The following ZNF721 variants were observed in gnomAD, a reference collection of about 807,000 sequenced individuals.
The protein encoded by ZNF721 is zinc finger protein 721.
A neutral mutation model predicts 2.4 loss-of-function variants in ZNF721; 2 were observed. The observed-to-expected ratio is 0.82, with a 90% confidence interval of 0.34 to 2.58. ZNF721 has a LOEUF of 2.58. ZNF721 is among the 30% of genes most tolerant of loss of function. ZNF721 has a pLI of 0.11. For missense variants in ZNF721, 1,187 were observed against 1,085.5 expected, an observed-to-expected ratio of 1.09 and a Z score of -1.31; for synonymous variants, 398 against 381.8, an observed-to-expected ratio of 1.04 and a Z score of -0.50.
chr4:460,388 T>A (rs891302848), intron 2 of ZNF721, among the ~76,000 whole-genome samples: 2 of 152,058 alleles, frequency 1.3e-5, no homozygotes, highest in Non-Finnish European at 2.9e-5. Flanking sequence ...TTGAAACCAA[T>A]GAGAACAAAG....
Position 466,655 on chromosome 4 carries a change from T to C in ZNF721, c.34+5920A>G, listed in dbSNP as rs1293441954. ...ATTTCATTTGTAGATTAAACTGCGA[T>C]GGATGAGATATCAAAAAAACAAAGA... On this transcript the variant is annotated intron_variant, in intron 2 of 2. Transcript: ENST00000511833. Among the ~76,000 whole-genome samples, 5 of 152,286 alleles carry C rather than the reference T, an allele frequency of 3.3e-5. No homozygotes were observed. In the East Asian group the frequency reaches 9.7e-4, roughly 29 times the overall value.
In ZNF721 at chr4:496,020, G is replaced by A. The variant is rs1414259897; in HGVS notation, c.-94+3036C>T. 3.3e-5 allele frequency among the ~76,000 whole-genome samples: 5 copies of A among 152,140 alleles called. No homozygotes were observed. In the South Asian group the frequency reaches 8.3e-4, roughly 25 times the overall value. ...AATACAGCCATTGCTCTTTCGGTTT[G>A]GTCTGGCTGGCAAAAAGGTGGCGTT... On this transcript the variant is annotated intron_variant, in intron 1 of 2. Coordinates refer to ENST00000511833, the MANE Select transcript of ZNF721 (RefSeq NM_133474.4).
intron 1 of ZNF721, among the ~76,000 whole-genome samples, chr4:479,872 T>C (rs1553869099): frequency 6.6e-6 from 1 of 152,252 alleles, no homozygotes. Context: ...TGTGCACATA[T>C]CCATTTGGAA....
intron 1 of ZNF721, chr4:474,246 C>T: frequency 2.7e-6 from 1 of 364,074 alleles, no homozygotes; most frequent in South Asian, 2.1e-5. Context: ...TGGGTCCAGG[C>T]TTCACGCCCT....
intron 1 of ZNF721, among the ~76,000 whole-genome samples, chr4:494,657 G>A (rs1553871976): frequency 6.6e-6 from 1 of 152,044 alleles, no homozygotes; most frequent in African/African-American, 2.4e-5. Context: ...TTCATCATAA[G>A]GTATAGAGAG....
rs1309919218 is a variant in ZNF721, at chr4:450,957, ATATATATATATATATATAT to A, written c.35-6544_35-6526del. On this transcript the variant is annotated intron_variant, in intron 2 of 2. Coordinates refer to ENST00000511833, the MANE Select transcript of ZNF721 (RefSeq NM_133474.4). ...GTCTCCAAAAAAAAAAAAAAAAAAA[ATATATATATATATATATAT>A]ATATATATATATATATATATCCCAA... Among the ~76,000 whole-genome samples, 14 of 33,632 alleles carry A rather than the reference ATATATATATATATATATAT, an allele frequency of 4.2e-4. No individual in the cohort carries two copies. In the Admixed American group the frequency reaches 4.4e-3, roughly 10 times the overall value. 22.1% of individuals were successfully genotyped at this position (33,632 alleles called of 152,430 possible).
chr4:443,332 G>A lies in ZNF721; in HGVS notation c.1135C>T (p.His379Tyr), dbSNP rs1209652102. The A allele has an allele frequency of 6.2e-7, 1 of 1,614,058 alleles. No homozygotes were observed. Among genetic ancestry groups the A allele is most frequent in the Non-Finnish European group, 8.5e-7 (1 of 1,179,990 alleles). Residue 379 changes from histidine (H) to tyrosine (Y), a missense_variant, in exon 3 of 3, where the codon CAC becomes TAC. His to Tyr is a moderately conservative substitution (Grantham distance 83). Coordinates refer to ENST00000511833, the MANE Select transcript of ZNF721 (RefSeq NM_133474.4). ...AFGRYTALNQ[H>Y]KKIHTGEKPY... ...TTCTCTCCAGTATGAATTTTCTTGT[G>A]TTGATTCAGGGCTGTGTACCGTCCA...
rs565947353 is a variant in ZNF721 at position 485,741 on chromosome 4, C to T, written c.-93-13040G>A. 2.0e-3 allele frequency among the ~76,000 whole-genome samples: 298 copies of T among 152,180 alleles called. 1 individual carries two copies. Among genetic ancestry groups the T allele is most frequent in the African/African-American group, 6.1e-3 (253 of 41,534 alleles). ...CTGTAATCCCAGCACTTTGGGAGGC[C>T]GAGGCGGGCGGATCATGAGGTCAAG... On this transcript the variant is annotated intron_variant, in intron 1 of 2. Coordinates refer to ENST00000511833, the MANE Select transcript of ZNF721 (RefSeq NM_133474.4).
chr4:474,097 T>C, intron 1 of ZNF721: 1 of 1,314,002 alleles, frequency 7.6e-7, no homozygotes. Flanking sequence ...CCCTGAGGTG[T>C]GGAAGCAGGG....
intron 2 of ZNF721, among the ~76,000 whole-genome samples, chr4:450,968 T>A (rs1181817387): frequency 0.051 from 2,227 of 43,724 alleles, 70 homozygotes; most frequent in Non-Finnish European, 0.062. Flanking sequence ...TATATATATA[T>A]ATATATATAT....
chr4:470,363 G>A (rs1360952747), intron 2 of ZNF721, among the ~76,000 whole-genome samples: 2 of 152,170 alleles, frequency 1.3e-5, no homozygotes, highest in Non-Finnish European at 2.9e-5. Context: ...AAACAAGTGG[G>A]ATTGTATCAA....
intron 1 of ZNF721, among the ~76,000 whole-genome samples, chr4:482,081 C>G (rs1189760511): frequency 6.6e-6 from 1 of 152,218 alleles, no homozygotes; most frequent in Non-Finnish European, 1.5e-5. Context: ...GTAAAGGTCA[C>G]ATATGACTGT....
intron 1 of ZNF721, among the ~76,000 whole-genome samples, chr4:473,021 C>A (rs1203513118): frequency 6.6e-6 from 1 of 152,094 alleles, no homozygotes; most frequent in South Asian, 2.1e-4. Context: ...TTGACCTTGG[C>A]CTTGCTATAA....
intron 2 of ZNF721, among the ~76,000 whole-genome samples, chr4:469,050 C>T (rs1715346283): frequency 6.6e-6 from 1 of 152,098 alleles, no homozygotes; most frequent in Admixed American, 6.6e-5. Context: ...CTAATAAATG[C>T]ATTCATTAAG....
intron 1 of ZNF721, among the ~76,000 whole-genome samples, chr4:486,065 C>G (rs1319615453): frequency 6.6e-6 from 1 of 152,120 alleles, no homozygotes; most frequent in African/African-American, 2.4e-5. Context: ...CCACCACCCA[C>G]ATGCACAGCA....
intron 1 of ZNF721, among the ~76,000 whole-genome samples, chr4:494,562 C>G (rs1553871965): frequency 6.6e-6 from 1 of 152,072 alleles, no homozygotes; most frequent in Admixed American, 6.6e-5. Flanking sequence ...TAACTGGCTT[C>G]ACAACCCCAG....
intron 1 of ZNF721, among the ~76,000 whole-genome samples, chr4:498,594 C>G (rs148013344): frequency 5.3e-5 from 8 of 152,238 alleles, no homozygotes; most frequent in African/African-American, 1.9e-4. Flanking sequence ...CACGGATAAA[C>G]CTGAGGATAT....
chr4:446,376 GT>G (rs1268859816), intron 2 of ZNF721, among the ~76,000 whole-genome samples: 1 of 146,594 alleles, frequency 6.8e-6, no homozygotes, highest in Non-Finnish European at 1.5e-5. Context: ...TAATGAGGAA[GT>G]TTTCTTTTTT....
chr4:447,054 G>A (rs73219244), intron 2 of ZNF721, among the ~76,000 whole-genome samples: 22,426 of 152,116 alleles, frequency 0.15, 2,315 homozygotes, highest in African/African-American at 0.29. Flanking sequence ...GGGCACAGTG[G>A]CTCACACCTG....
Sources: gnomAD v4.1 joint callset for allele counts (sites outside exome capture counted in the v4.1 genomes callset) on GRCh38, gnomAD v4.1.1 for gene constraint, MANE v1.5 for transcripts, NCBI Gene and HGNC (gene_info 2026-07-23, HGNC 2026-07-21) for gene names.